The following RBFOX3 variants were observed in gnomAD, a reference collection of about 807,000 sequenced individuals.
RBFOX3 encodes RNA binding protein fox-1 homolog 3.
Under a neutral mutation model 48.7 loss-of-function variants are expected in RBFOX3, and 17 were observed. That is an observed-to-expected ratio of 0.35 (90% confidence interval 0.24 to 0.52). The LOEUF is 0.52. Ranked by LOEUF, RBFOX3 falls within the 20% of genes least tolerant of loss-of-function variation. The pLI is 0.94. For missense variants in RBFOX3, 382 were observed against 497.5 expected (o/e 0.77, Z 2.21); for synonymous variants, 212 against 209.5 (o/e 1.01, Z -0.10).
chr17:79,442,615 TTG>T (rs1555735831), intron 2 of RBFOX3, among the ~76,000 whole-genome samples: 1 of 152,076 alleles, frequency 6.6e-6, no homozygotes, highest in African/African-American at 2.4e-5. Flanking sequence ...TCTGCTACAA[TTG>T]TGTGTTTCCA....
intron 4 of RBFOX3, among the ~76,000 whole-genome samples, chr17:79,144,290 G>A (rs9907432): frequency 0.25 from 37,443 of 152,196 alleles, 4,953 homozygotes; most frequent in Non-Finnish European, 0.31. Context: ...CTCTACCCCC[G>A]CCCCATGGCT....
intron 2 of RBFOX3, among the ~76,000 whole-genome samples, chr17:79,321,705 CTTTTT>C (rs55633027): frequency 6.7e-5 from 9 of 134,106 alleles, no homozygotes; most frequent in Admixed American, 5.4e-4. Flanking sequence ...AGGAATCTGG[CTTTTT>C]TTTTTTTTTT....
At chr17:79,157,542 G>A (rs1003207898) in intron 4 of RBFOX3, among the ~76,000 whole-genome samples, 4 of 152,208 alleles carry the variant, frequency 2.6e-5, no homozygotes, top group African/African-American at 7.2e-5. Context: ...GGGACTCAGC[G>A]TGGTAGAGTA....
At chr17:79,271,568 C>G (rs1313425742) in intron 3 of RBFOX3, among the ~76,000 whole-genome samples, 1 of 152,192 alleles carries the variant, frequency 6.6e-6, no homozygotes, top group African/African-American at 2.4e-5. Context: ...AGCCCTCTCT[C>G]TGAGGGCAGA....
chr17:79,131,249 C>T (rs1379030590), intron 4 of RBFOX3, among the ~76,000 whole-genome samples: 1 of 152,190 alleles, frequency 6.6e-6, no homozygotes, highest in Non-Finnish European at 1.5e-5. Flanking sequence ...GCTCTGTGCC[C>T]ATGTGTGCTC....
At chr17:79,351,532 C>T (rs1417335923) in intron 2 of RBFOX3, among the ~76,000 whole-genome samples, 2 of 152,194 alleles carry the variant, frequency 1.3e-5, no homozygotes, top group Admixed American at 1.3e-4. Flanking sequence ...AGACATCTTA[C>T]TGTGTGCCAG....
At chr17:79,394,404 T>G (rs1188423594) in intron 2 of RBFOX3, among the ~76,000 whole-genome samples, 2 of 152,176 alleles carry the variant, frequency 1.3e-5, no homozygotes, top group African/African-American at 4.8e-5. Flanking sequence ...TCCAGGGCCC[T>G]CTGAGTGCAG....
intron 3 of RBFOX3, among the ~76,000 whole-genome samples, chr17:79,283,430 A>G (rs1464213268): frequency 6.6e-6 from 1 of 152,002 alleles, no homozygotes. Flanking sequence ...CACCATGCCC[A>G]GCTAATTTTT....
chr17:79,545,527 C>A (rs898805595), intron 1 of RBFOX3, among the ~76,000 whole-genome samples: 1 of 152,202 alleles, frequency 6.6e-6, no homozygotes, highest in East Asian at 1.9e-4. Context: ...CCAGAGGGAG[C>A]GGAGGTCTCC....
At chr17:79,107,636 C>T (rs888536368) in intron 5 of RBFOX3, among the ~76,000 whole-genome samples, 7 of 152,242 alleles carry the variant, frequency 4.6e-5, no homozygotes, top group Non-Finnish European at 7.3e-5. Flanking sequence ...GAACTCCAGG[C>T]ATGTGGCAGG....
chr17:79,524,867 T>C (rs2086597732), intron 1 of RBFOX3, among the ~76,000 whole-genome samples: 1 of 151,924 alleles, frequency 6.6e-6, no homozygotes, highest in Non-Finnish European at 1.5e-5. Context: ...CCAGTTTGCA[T>C]AGTGCCTCAA....
chr17:79,595,247 A>G (rs1358263237), intron 1 of RBFOX3, among the ~76,000 whole-genome samples: 1 of 152,110 alleles, frequency 6.6e-6, no homozygotes, highest in Non-Finnish European at 1.5e-5. Flanking sequence ...ACCGGCACGC[A>G]GACACGCAGC....
chr17:79,381,371 T>C lies in RBFOX3; in HGVS notation c.-174-73547A>G, dbSNP rs372625888. ...CGACATGTGATCAATGTAAAAACCA[T>C]GCATGAGATGGTGTACATGTTTTTC... is the stretch of plus-strand genomic sequence containing the variant. On this transcript the variant is annotated intron_variant, in intron 2 of 14. Coordinates refer to ENST00000693108, the MANE Select transcript of RBFOX3 (RefSeq NM_001350451.2). Among the ~76,000 whole-genome samples, 429 of 152,322 alleles carry C rather than the reference T, an allele frequency of 2.8e-3. 1 individual carries two copies. Among genetic ancestry groups the C allele is most frequent in the African/African-American group, 0.01 (417 of 41,582 alleles).
At chr17:79,092,983 C>G (rs2074271803) in intron 14 of RBFOX3, among the ~76,000 whole-genome samples, 1 of 152,042 alleles carries the variant, frequency 6.6e-6, no homozygotes. Context: ...TGAGCCCCAC[C>G]TCCTCGCACC....
chr17:79,390,905 C>T lies in RBFOX3; in HGVS notation c.-174-83081G>A, dbSNP rs750631222. On this transcript the variant is annotated intron_variant, in intron 2 of 14. Coordinates refer to ENST00000693108, the MANE Select transcript of RBFOX3 (RefSeq NM_001350451.2). This position sits in a 1 kb window ranked among gnomAD's most constrained non-coding sequence, Gnocchi z 4.2. Reference sequence around the variant, plus strand: ...GGGATGAGCCCCTGGTGGGACTGCTCGGGTGCCGGCAGGGAGTTCCTGGAC... The same window carrying T: ...GGGATGAGCCCCTGGTGGGACTGCTTGGGTGCCGGCAGGGAGTTCCTGGAC... Among the ~76,000 whole-genome samples the T allele has an allele frequency of 9.8e-5, 15 of 152,292 alleles. No individual in the cohort carries two copies. Among genetic ancestry groups the T allele is most frequent in the African/African-American group, 3.4e-4 (14 of 41,572 alleles).
upstream of RBFOX3, among the ~76,000 whole-genome samples, chr17:79,612,502 G>A (rs2145588273): frequency 6.6e-6 from 1 of 152,278 alleles, no homozygotes; most frequent in East Asian, 1.9e-4. Flanking sequence ...CAGAGACGGT[G>A]GCCAAGACAG....
Position 79,106,648 on chromosome 17 carries a change from C to T in RBFOX3, c.360+3G>A, listed in dbSNP as rs1257943397. ...CAGGATGGGTGGGGCCGCGCACACT[C>T]ACCCCGAACATTTGCCGCAAGTCGG... On this transcript the variant is annotated splice_donor_region_variant and intron_variant, in intron 6 of 14. Coordinates refer to ENST00000693108, the MANE Select transcript of RBFOX3 (RefSeq NM_001350451.2). 3 of 1,470,130 alleles carry T rather than the reference C, an allele frequency of 2.0e-6. No individual in the cohort carries two copies. The highest frequency in any genetic ancestry group is 2.7e-6 in the Non-Finnish European group (3 of 1,115,320). The allele number at this position is 1,470,130 out of a possible 1,614,324, so 91.1% of individuals were successfully genotyped here.
intron 2 of RBFOX3, among the ~76,000 whole-genome samples, chr17:79,436,553 G>C (rs576940666): frequency 6.6e-6 from 1 of 152,308 alleles, no homozygotes; most frequent in African/African-American, 2.4e-5. Context: ...ACCAGGAGCA[G>C]GTGGAAGAGC....
At chr17:79,333,817 C>T (rs998621965) in intron 2 of RBFOX3, among the ~76,000 whole-genome samples, 1 of 152,168 alleles carries the variant, frequency 6.6e-6, no homozygotes, top group Non-Finnish European at 1.5e-5. Context: ...GCCCCCATTC[C>T]TGCCCTTCAC....
Sources: allele counts gnomAD v4.1 joint callset (sites outside exome capture counted in the v4.1 genomes callset), GRCh38; gene constraint gnomAD v4.1.1; non-coding constraint Gnocchi (gnomAD v3.1); transcripts MANE v1.5; gene names NCBI Gene and HGNC (gene_info 2026-07-23, HGNC 2026-07-21).